Variants in POLA1 observed in about 807,000 individuals in gnomAD.
The protein encoded by POLA1 is DNA polymerase alpha 1, catalytic subunit.
POLA1 carries 15 observed loss-of-function variants against 124.0 expected under a neutral mutation model. The observed-to-expected ratio is 0.12, with a 90% CI of 0.08 to 0.19. POLA1 has a LOEUF of 0.19. POLA1 is among the 10% of genes least tolerant of loss of function. The pLI is 1.00. For missense variants in POLA1, 886 were observed against 1,103.4 expected (o/e 0.80, Z 2.79); for synonymous variants, 408 against 389.4 (o/e 1.05, Z -0.56).
chrX:24,991,513 C>G (rs138701010), intron 36 of POLA1, among the ~76,000 whole-genome samples: 1,319 of 112,710 alleles, frequency 0.012, 11 homozygotes, highest in South Asian at 0.036. Flanking sequence ...CCCCAAACTT[C>G]CACTGAACAA....
chrX:24,764,212 T>C (rs1196880227), intron 26 of POLA1, among the ~76,000 whole-genome samples: 1 of 112,582 alleles, frequency 8.9e-6, no homozygotes, highest in East Asian at 2.8e-4. Context: ...ACTCAGTTAA[T>C]GCTAGCTAAA....
chrX:24,826,958 A>G (rs888351355), intron 32 of POLA1, among the ~76,000 whole-genome samples: 5 of 112,293 alleles, frequency 4.5e-5, no homozygotes, highest in African/African-American at 9.7e-5. Flanking sequence ...GATTGATGCT[A>G]TCTTGATTAT....
At chrX:24,929,645 G>C (rs142089570) in intron 35 of POLA1, among the ~76,000 whole-genome samples, 1 of 112,049 alleles carries the variant, frequency 8.9e-6, no homozygotes, top group African/African-American at 3.2e-5. Context: ...AAGTGCATTT[G>C]AATGTGACTC....
chrX:24,777,985 G>A (rs1051459495), intron 26 of POLA1, among the ~76,000 whole-genome samples: 1 of 111,881 alleles, frequency 8.9e-6, no homozygotes, highest in Non-Finnish European at 1.9e-5. Flanking sequence ...TATATCCGAT[G>A]TCAATAAGAA....
chrX:24,879,136 A>G (rs1399716876), intron 34 of POLA1, among the ~76,000 whole-genome samples: 3 of 111,488 alleles, frequency 2.7e-5, no homozygotes, highest in Non-Finnish European at 3.8e-5. Context: ...GGTTTTTTTC[A>G]GAAGTGAAGA....
chrX:24,790,282 A>G (rs930490625), intron 26 of POLA1, among the ~76,000 whole-genome samples: 3 of 112,254 alleles, frequency 2.7e-5, no homozygotes, highest in African/African-American at 9.7e-5. Context: ...GAGTGTGTCT[A>G]TGGAAATTCT....
chrX:24,879,274 C>G (rs1246467789), intron 34 of POLA1, among the ~76,000 whole-genome samples: 1 of 111,442 alleles, frequency 9.0e-6, no homozygotes, highest in Non-Finnish European at 1.9e-5. Flanking sequence ...TTCCTCCTTT[C>G]CCTTGTTGAA....
intron 26 of POLA1, among the ~76,000 whole-genome samples, chrX:24,786,784 C>T (rs997612958): frequency 9.7e-6 from 1 of 102,940 alleles, no homozygotes; most frequent in South Asian, 4.6e-4. Context: ...ACCTCCCAGG[C>T]TCAGGAGATC....
intron 36 of POLA1, among the ~76,000 whole-genome samples, chrX:24,973,392 AGAAAG>A (rs1039944081): frequency 2.8e-5 from 3 of 108,979 alleles, no homozygotes; most frequent in Non-Finnish European, 5.7e-5. Context: ...AGAAAGAAAA[AGAAAG>A]AGAGAGAGAG....
intron 26 of POLA1, among the ~76,000 whole-genome samples, chrX:24,784,294 G>A (rs764595597): frequency 1.1e-4 from 12 of 109,186 alleles, no homozygotes; most frequent in African/African-American, 3.7e-4. Context: ...CTCGTGATTC[G>A]CCCACCTTAG....
intron 36 of POLA1, among the ~76,000 whole-genome samples, chrX:24,987,914 C>T (rs1035774731): frequency 3.6e-5 from 4 of 111,807 alleles, no homozygotes; most frequent in African/African-American, 1.3e-4. Flanking sequence ...GTTTATAGCA[C>T]AGCTGTTACC....
intron 26 of POLA1, among the ~76,000 whole-genome samples, chrX:24,778,429 C>T (rs1167753568): frequency 1.8e-5 from 2 of 111,496 alleles, no homozygotes; most frequent in African/African-American, 6.5e-5. Flanking sequence ...CGGGGTTTCA[C>T]CATGTTGGCC....
rs967717245 is a variant in POLA1, at chrX:24,697,774, C to T, written c.44-1651C>T. 4.5e-5 allele frequency among the ~76,000 whole-genome samples: 5 copies of T among 110,395 alleles called. No individual in the cohort carries two copies. The East Asian group carries it at 1.4e-3, about 31-fold the overall frequency. On this transcript the variant is annotated intron_variant, in intron 1 of 36. Coordinates refer to ENST00000379068, the MANE Select transcript of POLA1 (RefSeq NM_001330360.2). ...TCTTATCCATACTTCTTTTCTTTGC[C>T]TGCTCCTTTTTATAAATTAATTAGC...
At chrX:24,767,547 CAT>C (rs762391148) in intron 26 of POLA1, among the ~76,000 whole-genome samples, 3 of 112,239 alleles carry the variant, frequency 2.7e-5, no homozygotes, top group Non-Finnish European at 5.6e-5. Context: ...GAATAGTAAA[CAT>C]ATAAGCACAG....
At position 24,946,557 on chromosome X, in the gene POLA1, C is replaced by A. The variant is rs774025339; in HGVS notation, c.4261+16008C>A. On this transcript the variant is annotated intron_variant, in intron 36 of 36. Transcript: ENST00000379068. Reference sequence around the variant, plus strand: ...GAGCAGGCCTTGACTCCACTATGGCCACATCCTTTGGCTGGTGTGGTTTCC... The same window carrying A: ...GAGCAGGCCTTGACTCCACTATGGCAACATCCTTTGGCTGGTGTGGTTTCC... Among the ~76,000 whole-genome samples, 292 of 111,904 alleles carry A rather than the reference C, an allele frequency of 2.6e-3. 2 individuals carry two copies. The highest frequency in any genetic ancestry group is 4.0e-3 in the Non-Finnish European group (215 of 53,163).
chrX:24,845,201 A>T (rs1351825927), intron 34 of POLA1, among the ~76,000 whole-genome samples: 1 of 111,422 alleles, frequency 9.0e-6, no homozygotes, highest in Non-Finnish European at 1.9e-5. Context: ...ACTTTTAGGG[A>T]TCCAGATATT....
intron 26 of POLA1, among the ~76,000 whole-genome samples, chrX:24,754,026 A>G (rs756371475): frequency 1.8e-5 from 2 of 111,184 alleles, no homozygotes; most frequent in Non-Finnish European, 3.8e-5. Context: ...AAACATTACA[A>G]TCTTGGCAAG....
intron 35 of POLA1, among the ~76,000 whole-genome samples, chrX:24,897,213 T>C (rs1251475878): frequency 2.7e-5 from 3 of 111,986 alleles, no homozygotes; most frequent in Non-Finnish European, 5.6e-5. Flanking sequence ...CTCAAGTTCC[T>C]CATTTGTAAA....
chrX:24,709,351 C>G (rs1929143742), intron 4 of POLA1, among the ~76,000 whole-genome samples: 1 of 101,262 alleles, frequency 9.9e-6, no homozygotes, highest in African/African-American at 3.7e-5. Context: ...CTGACCCCCC[C>G]ACCTCCCTCC....
Sources: gnomAD v4.1 joint callset for allele counts (sites outside exome capture counted in the v4.1 genomes callset) on GRCh38, gnomAD v4.1.1 for gene constraint, MANE v1.5 for transcripts, NCBI Gene and HGNC (gene_info 2026-07-23, HGNC 2026-07-21) for gene names.